The following ST6GALNAC3 variants were observed in gnomAD, a reference collection of about 807,000 sequenced individuals.
ST6GALNAC3 encodes the protein alpha-N-acetylgalactosaminide alpha-2,6-sialyltransferase 3.
Under a neutral mutation model 32.7 loss-of-function variants are expected in ST6GALNAC3, and 25 were observed. The observed-to-expected ratio is 0.76, with a 90% confidence interval of 0.56 to 1.07. ST6GALNAC3 has a LOEUF of 1.07. ST6GALNAC3 is among the 50% of genes least tolerant of loss of function. ST6GALNAC3 has a pLI of 0.00. For missense variants in ST6GALNAC3, 355 were observed against 382.4 expected (o/e 0.93, Z 0.60); for synonymous variants, 129 against 133.1 (o/e 0.97, Z 0.21).
At chr1:76,426,165 T>G (rs1655368494) in intron 3 of ST6GALNAC3, among the ~76,000 whole-genome samples, 1 of 151,864 alleles carries the variant, frequency 6.6e-6, no homozygotes, top group Admixed American at 6.6e-5. Flanking sequence ...CTTTTCTGCT[T>G]TTCAAACTCT....
intron 1 of ST6GALNAC3, among the ~76,000 whole-genome samples, chr1:76,077,182 C>T (rs1314480980): frequency 6.6e-6 from 1 of 152,032 alleles, no homozygotes; most frequent in Non-Finnish European, 1.5e-5. Flanking sequence ...CCTGGAGCCT[C>T]AGTTTTCCCT....
chr1:76,173,724 C>T (rs1652669629), intron 1 of ST6GALNAC3, among the ~76,000 whole-genome samples: 1 of 152,204 alleles, frequency 6.6e-6, no homozygotes, highest in South Asian at 2.1e-4. Context: ...GGCCAACAAA[C>T]ATACGAAGAA....
chr1:76,408,754 ACTTT>A (rs1480871401), intron 2 of ST6GALNAC3, among the ~76,000 whole-genome samples: 1 of 60,492 alleles, frequency 1.7e-5, no homozygotes, highest in Non-Finnish European at 5.0e-5. Context: ...CATATCCAAG[ACTTT>A]CTTTTTCTTC....
intron 1 of ST6GALNAC3, among the ~76,000 whole-genome samples, chr1:76,286,233 G>A (rs534587484): frequency 6.6e-6 from 1 of 152,346 alleles, no homozygotes; most frequent in Non-Finnish European, 1.5e-5. Context: ...TTTGGAGCCT[G>A]TGGGCCTAAG....
chr1:76,392,496 T>C (rs1433392841), intron 2 of ST6GALNAC3, among the ~76,000 whole-genome samples: 2 of 152,228 alleles, frequency 1.3e-5, no homozygotes, highest in Non-Finnish European at 2.9e-5. Context: ...TAATAACTCA[T>C]TGTTATTCTT....
chr1:76,351,289 A>T (rs1228626068), intron 2 of ST6GALNAC3, among the ~76,000 whole-genome samples: 1 of 152,208 alleles, frequency 6.6e-6, no homozygotes, highest in Admixed American at 6.5e-5. Flanking sequence ...CGTTTTTCAA[A>T]GAAATGTGTG....
At chr1:76,099,317 T>A (rs1647181317) in intron 1 of ST6GALNAC3, among the ~76,000 whole-genome samples, 1 of 152,202 alleles carries the variant, frequency 6.6e-6, no homozygotes, top group Non-Finnish European at 1.5e-5. Flanking sequence ...ACTGAGTTTT[T>A]ATTTAAGACT....
chr1:76,382,787 A>G (rs1179855871), intron 2 of ST6GALNAC3, among the ~76,000 whole-genome samples: 7 of 152,240 alleles, frequency 4.6e-5, no homozygotes, highest in East Asian at 3.8e-4. Context: ...TTGGTATAAC[A>G]TAAGTATGTT....
chr1:76,606,440 TTATCCTC>T (rs1308188655), intron 3 of ST6GALNAC3, among the ~76,000 whole-genome samples: 1 of 152,070 alleles, frequency 6.6e-6, no homozygotes, highest in Non-Finnish European at 1.5e-5. Flanking sequence ...CTGGAAGCCA[TTATCCTC>T]AGCAAACTAA....
intron 3 of ST6GALNAC3, among the ~76,000 whole-genome samples, chr1:76,568,927 C>G (rs1665706694): frequency 1.3e-5 from 2 of 151,832 alleles, no homozygotes; most frequent in South Asian, 4.2e-4. Context: ...AGTTAGAAAC[C>G]TAGGGGAAAA....
At chr1:76,490,158 C>T (rs561027130) in intron 3 of ST6GALNAC3, among the ~76,000 whole-genome samples, 1 of 152,142 alleles carries the variant, frequency 6.6e-6, no homozygotes, top group African/African-American at 2.4e-5. Flanking sequence ...ACGGACCTTT[C>T]GATGACCCTC....
intron 3 of ST6GALNAC3, among the ~76,000 whole-genome samples, chr1:76,481,496 A>G (rs539061069): frequency 1.3e-5 from 2 of 152,254 alleles, no homozygotes; most frequent in African/African-American, 2.4e-5. Flanking sequence ...TTAGACTTCT[A>G]TATTTTGCTT....
At chr1:76,557,939 G>A (rs1239111259) in intron 3 of ST6GALNAC3, among the ~76,000 whole-genome samples, 1 of 152,040 alleles carries the variant, frequency 6.6e-6, no homozygotes, top group Non-Finnish European at 1.5e-5. Flanking sequence ...TTATATAAGA[G>A]GAAGAATACA....
chr1:76,585,492 C>T (rs777358588), intron 3 of ST6GALNAC3, among the ~76,000 whole-genome samples: 5 of 152,098 alleles, frequency 3.3e-5, no homozygotes, highest in South Asian at 2.1e-4. Context: ...CAGTCCCAGG[C>T]GCTTCCAGAG....
At chr1:76,164,224 G>A (rs1384955481) in intron 1 of ST6GALNAC3, among the ~76,000 whole-genome samples, 3 of 152,148 alleles carry the variant, frequency 2.0e-5, no homozygotes, top group Admixed American at 2.0e-4. Context: ...AGGGTGCAAA[G>A]GAGAATGAGG....
intron 2 of ST6GALNAC3, among the ~76,000 whole-genome samples, chr1:76,357,621 T>A (rs1487965050): frequency 6.6e-6 from 1 of 152,218 alleles, no homozygotes; most frequent in Non-Finnish European, 1.5e-5. Context: ...AATAACAAAC[T>A]CTTTTCTGGC....
At chr1:76,216,591 C>T (rs1051353314) in intron 1 of ST6GALNAC3, among the ~76,000 whole-genome samples, 3 of 152,200 alleles carry the variant, frequency 2.0e-5, no homozygotes, top group African/African-American at 7.2e-5. Context: ...ACAGTGACCA[C>T]TTTCAAGCTT....
intron 1 of ST6GALNAC3, among the ~76,000 whole-genome samples, chr1:76,131,404 G>A (rs1649601205): frequency 6.6e-6 from 1 of 152,134 alleles, no homozygotes; most frequent in Non-Finnish European, 1.5e-5. Context: ...GACCCCTGAG[G>A]GAAGACGGAA....
At chr1:76,400,996 CCT>C (rs1413295665) in intron 2 of ST6GALNAC3, among the ~76,000 whole-genome samples, 1 of 151,264 alleles carries the variant, frequency 6.6e-6, no homozygotes, top group African/African-American at 2.4e-5. Context: ...TATAAAATTT[CCT>C]CTTTGTTTTT....
Sources: gnomAD v4.1 joint callset for allele counts (sites outside exome capture counted in the v4.1 genomes callset) on GRCh38, gnomAD v4.1.1 for gene constraint, MANE v1.5 for transcripts, NCBI Gene and HGNC (gene_info 2026-07-23, HGNC 2026-07-21) for gene names.